Variants in SLC16A14 observed in about 807,000 individuals in gnomAD.
SLC16A14 encodes monocarboxylate transporter 14.
Under a neutral mutation model 35.8 loss-of-function variants are expected in SLC16A14, and 14 were observed. The ratio of observed to expected loss-of-function variants is 0.39; its 90% CI spans 0.26 to 0.61. The LOEUF is 0.61. Ranked by LOEUF, SLC16A14 falls within the 20% of genes least tolerant of loss-of-function variation. The pLI, the probability that SLC16A14 is intolerant of heterozygous loss-of-function variation, is 0.51. For missense variants in SLC16A14, 533 were observed against 655.0 expected (o/e 0.81, Z 2.03); for synonymous variants, 248 against 258.9 (o/e 0.96, Z 0.40).
intron 1 of SLC16A14, among the ~76,000 whole-genome samples, chr2:230,067,786 G>A (rs1469910072): frequency 2.0e-5 from 3 of 152,192 alleles, no homozygotes; most frequent in Non-Finnish European, 4.4e-5. Context: ...GCCCCGAAAT[G>A]GCCGTCCCCG....
chr2:230,056,501 T>A (rs4973254), intron 2 of SLC16A14, among the ~76,000 whole-genome samples: 6 of 151,750 alleles, frequency 4.0e-5, no homozygotes, highest in Admixed American at 6.6e-5. Context: ...GGTGATCCGC[T>A]CGCCTCAGCC....
intron 2 of SLC16A14, among the ~76,000 whole-genome samples, chr2:230,054,605 A>G (rs2077690265): frequency 6.6e-6 from 1 of 152,220 alleles, no homozygotes; most frequent in African/African-American, 2.4e-5. Context: ...AGGCACAGGT[A>G]ACAGACTGTT....
rs1226862892 is a variant in SLC16A14, at chr2:230,068,334, C to G, written c.-15+221G>C. On this transcript the variant is annotated intron_variant, in intron 1 of 4. Coordinates refer to ENST00000295190, the MANE Select transcript of SLC16A14 (RefSeq NM_152527.5). The surrounding 1 kb of genome is among the most constrained non-coding windows in gnomAD (Gnocchi z 5.1). ...TGAACCGCCGGTTACCCTGCCCGCC[C>G]GCAGCTCCCAAGCCCCCGCGGCGGC... 1.3e-5 allele frequency: 2 copies of G among 152,422 alleles called. No individual in the cohort carries two copies. The highest frequency in any genetic ancestry group is 3.9e-4 in the East Asian group (2 of 5,170). 9.4% of individuals were successfully genotyped at this position (152,422 alleles called of 1,614,324 possible). A position where few individuals can be genotyped will look rare whatever the true frequency, so the allele number is the denominator to read the frequency against.
At position 230,035,823 on chromosome 2, in the gene SLC16A14, G is replaced by A. The variant is rs775505409; in HGVS notation, c.*1557C>T. On this transcript the variant is annotated 3_prime_UTR_variant, in exon 5 of 5. Transcript: ENST00000295190. ...ACACAACCACTCCCACTATACATTAGAGCAGGAAATAATGGAGATGGAACA... is the reference window on the plus strand; with the variant it reads ...ACACAACCACTCCCACTATACATTAAAGCAGGAAATAATGGAGATGGAACA... 1.3e-5 allele frequency: 2 copies of A among 152,016 alleles called. No individual in the cohort carries two copies. Among genetic ancestry groups the A allele is most frequent in the Non-Finnish European group, 2.9e-5 (2 of 68,016 alleles). 9.4% of individuals were successfully genotyped at this position (152,016 alleles called of 1,614,324 possible).
chr2:230,044,353 C>T (rs1052486438), intron 4 of SLC16A14, among the ~76,000 whole-genome samples: 1 of 151,890 alleles, frequency 6.6e-6, no homozygotes, highest in Non-Finnish European at 1.5e-5. Context: ...TGGCGCACAC[C>T]TGTAATCCCA....
chr2:230,064,288 C>CTG lies in SLC16A14; in HGVS notation c.-15+4265_-15+4266dup, dbSNP rs370970241. Among the ~76,000 whole-genome samples the CTG allele has an allele frequency of 3.4e-3, 514 of 149,592 alleles. 4 individuals are homozygous for CTG. The highest frequency in any genetic ancestry group is 8.8e-3 in the African/African-American group (357 of 40,640). On this transcript the variant is annotated intron_variant, in intron 1 of 4. Transcript: ENST00000295190. ...AGTATGTCTTGGGTTTCAGCCTTGT[C>CTG]TGTGTGTGTGTGTGTGTGTGTGTGT...
At chr2:230,040,315 G>A (rs1220287694) in intron 4 of SLC16A14, among the ~76,000 whole-genome samples, 1 of 152,046 alleles carries the variant, frequency 6.6e-6, no homozygotes, top group East Asian at 1.9e-4. Context: ...ACTCCCCCGG[G>A]TTCAAGCAAT....
At chr2:230,044,736 G>GTGTGTGTGTGTT (rs575463088) in intron 4 of SLC16A14, among the ~76,000 whole-genome samples, 20 of 107,104 alleles carry the variant, frequency 1.9e-4, no homozygotes, top group Non-Finnish European at 3.3e-4. Context: ...GTGTGTGTGT[G>GTGTGTGTGTGTT]TATGTGTGTG....
Position 230,046,991 on chromosome 2 carries a change from C to T in SLC16A14, c.404-269G>A, listed in dbSNP as rs2077614433. ...CAATAACAAAATGGAGCAGCATTCT[C>T]CCATCAGAAAAATAGAAGCTCCAGG... On this transcript the variant is annotated intron_variant, in intron 3 of 4. Transcript: ENST00000295190. This position sits in a 1 kb window ranked among gnomAD's most constrained non-coding sequence, Gnocchi z 5.0. Among the ~76,000 whole-genome samples the T allele has an allele frequency of 6.6e-6, 1 of 152,164 alleles. No individual in the cohort carries two copies. The highest frequency in any genetic ancestry group is 2.1e-4 in the South Asian group (1 of 4,828).
chr2:230,037,321 C>T lies in SLC16A14; in HGVS notation c.*59G>A. The T allele has an allele frequency of 1.4e-6, 2 of 1,469,490 alleles. No homozygotes were observed. Among genetic ancestry groups the T allele is most frequent in the South Asian group, 3.0e-5 (2 of 67,726 alleles). 91.0% of individuals were successfully genotyped at this position (1,469,490 alleles called of 1,614,324 possible). A position where few individuals can be genotyped will look rare whatever the true frequency, so the allele number is the denominator to read the frequency against. ...ACGTCCTGTCATAGGTGCCTCACAGCAACCATGCGAGGTAGGCATGAGTAT... is the reference window on the plus strand; with the variant it reads ...ACGTCCTGTCATAGGTGCCTCACAGTAACCATGCGAGGTAGGCATGAGTAT... On this transcript the variant is annotated 3_prime_UTR_variant, in exon 5 of 5. Transcript: ENST00000295190.
intron 2 of SLC16A14, among the ~76,000 whole-genome samples, chr2:230,056,103 A>G (rs1216713785): frequency 6.6e-6 from 1 of 152,226 alleles, no homozygotes; most frequent in Non-Finnish European, 1.5e-5. Context: ...GACATACATA[A>G]TGGTGCCTTT....
intron 4 of SLC16A14, among the ~76,000 whole-genome samples, chr2:230,042,705 A>G (rs938660702): frequency 3.9e-5 from 6 of 152,136 alleles, no homozygotes; most frequent in Non-Finnish European, 5.9e-5. Flanking sequence ...GCCAATCCCA[A>G]TTCTTTTCTC....
intron 2 of SLC16A14, among the ~76,000 whole-genome samples, chr2:230,057,631 A>G (rs1051286526): frequency 6.6e-6 from 1 of 152,058 alleles, no homozygotes; most frequent in African/African-American, 2.4e-5. Flanking sequence ...ATACAAGAAT[A>G]TATTGTTATT....
At chr2:230,043,968 C>A (rs1317939853) in intron 4 of SLC16A14, among the ~76,000 whole-genome samples, 2 of 152,208 alleles carry the variant, frequency 1.3e-5, no homozygotes, top group Non-Finnish European at 1.5e-5. Flanking sequence ...GAGAATGTAT[C>A]CTAGATGTTG....
chr2:230,053,573 G>C (rs1471540097), intron 2 of SLC16A14, among the ~76,000 whole-genome samples: 1 of 152,084 alleles, frequency 6.6e-6, no homozygotes, highest in Non-Finnish European at 1.5e-5. Flanking sequence ...ACGAGGTCAG[G>C]AGTTCAAGAC....
chr2:230,054,086 T>TG (rs5839354), intron 2 of SLC16A14, among the ~76,000 whole-genome samples: 38,755 of 151,066 alleles, frequency 0.26, 5,078 homozygotes, highest in South Asian at 0.33. Flanking sequence ...CAGCCTGAGG[T>TG]GGGGGGGGAA....
In SLC16A14 at chr2:230,037,172, T is replaced by C. The variant is rs147557268; in HGVS notation, c.*208A>G. 617 of 394,514 alleles carry C rather than the reference T, an allele frequency of 1.6e-3. No homozygotes were observed. Among genetic ancestry groups the C allele is most frequent in the Non-Finnish European group, 2.5e-3 (543 of 219,704 alleles). The allele number at this position is 394,514 out of a possible 1,614,324, so 24.4% of individuals were successfully genotyped here. On this transcript the variant is annotated 3_prime_UTR_variant, in exon 5 of 5. Transcript: ENST00000295190. Reference sequence around the variant, plus strand: ...ACAACACTGTCATCTCTAGAATGTATGTAGTCCTTAAGATCTTCCAGCATT... The same window carrying C: ...ACAACACTGTCATCTCTAGAATGTACGTAGTCCTTAAGATCTTCCAGCATT...
chr2:230,041,178 G>A (rs1003062177), intron 4 of SLC16A14, among the ~76,000 whole-genome samples: 1 of 152,092 alleles, frequency 6.6e-6, no homozygotes, highest in African/African-American at 2.4e-5. Flanking sequence ...CCCAGCTTTT[G>A]GTGGAAAACA....
Sources: gnomAD v4.1 joint callset for allele counts (sites outside exome capture counted in the v4.1 genomes callset) on GRCh38, gnomAD v4.1.1 for gene constraint, Gnocchi (gnomAD v3.1) non-coding constraint, MANE v1.5 for transcripts, NCBI Gene and HGNC (gene_info 2026-07-23, HGNC 2026-07-21) for gene names.